The following DLG3 variants were observed in gnomAD, a reference collection of about 807,000 sequenced individuals.
The protein encoded by DLG3 is discs large MAGUK scaffold protein 3.
In DLG3, 1 loss-of-function variant was observed where a neutral mutation model predicts 64.1. That is an observed-to-expected ratio of 0.02 (90% CI 0.01 to 0.07). The LOEUF is 0.07. Among genes scored for constraint, DLG3 ranks in the 10% least tolerant of loss-of-function variants. The pLI is 1.00. For missense variants in DLG3, 429 were observed against 669.5 expected, an observed-to-expected ratio of 0.64 and a Z score of 3.96; for synonymous variants, 245 against 259.8, an observed-to-expected ratio of 0.94 and a Z score of 0.55.
chrX:70,487,897 C>T (rs1028145974), intron 10 of DLG3, among the ~76,000 whole-genome samples: 3 of 111,235 alleles, frequency 2.7e-5, no homozygotes, highest in South Asian at 3.9e-4. Context: ...GTGATCCGCC[C>T]GCCTCAGCCT....
In DLG3 at chrX:70,462,243, C is replaced by CTTTTTTTTTTTTTTTT. The variant is rs141689653; in HGVS notation, c.1405+7936_1405+7951dup. The stretch of plus-strand genomic sequence containing the variant: ...GTACTTAATTCCTTTTTCTTTCTTT[C>CTTTTTTTTTTTTTTTT]TTTTTTTTTTTTTTTTTTTTTTTTG... On this transcript the variant is annotated intron_variant, in intron 9 of 18. Coordinates refer to ENST00000374360, the MANE Select transcript of DLG3 (RefSeq NM_021120.4). 4.7e-4 allele frequency among the ~76,000 whole-genome samples: 22 copies of CTTTTTTTTTTTTTTTT among 46,985 alleles called. 1 individual carries two copies. Among genetic ancestry groups the CTTTTTTTTTTTTTTTT allele is most frequent in the Non-Finnish European group, 5.8e-4 (17 of 29,111 alleles). 40.8% of individuals were successfully genotyped at this position (46,985 alleles called of 115,157 possible).
At chrX:70,454,768 T>A (rs2086672018) in intron 9 of DLG3, among the ~76,000 whole-genome samples, 1 of 112,272 alleles carries the variant, frequency 8.9e-6, no homozygotes, top group Non-Finnish European at 1.9e-5. Flanking sequence ...CTCATCAAGA[T>A]GACCGTGAAA....
intron 9 of DLG3, among the ~76,000 whole-genome samples, chrX:70,462,004 A>G (rs1010743085): frequency 9.2e-6 from 1 of 108,678 alleles, no homozygotes; most frequent in Non-Finnish European, 1.9e-5. Context: ...TATCACCCCA[A>G]AAAGAAGCCC....
At chrX:70,458,570 C>T (rs1382028083) in intron 9 of DLG3, among the ~76,000 whole-genome samples, 2 of 111,960 alleles carry the variant, frequency 1.8e-5, no homozygotes, top group Admixed American at 9.4e-5. Flanking sequence ...GGATTACAGG[C>T]GTGAGCCATA....
intron 9 of DLG3, among the ~76,000 whole-genome samples, chrX:70,461,388 C>G (rs956604131): frequency 4.5e-5 from 5 of 112,070 alleles, no homozygotes; most frequent in African/African-American, 1.6e-4. Flanking sequence ...ATTTGATTCT[C>G]TTGATTCTCT....
intron 8 of DLG3, among the ~76,000 whole-genome samples, chrX:70,453,997 G>A (rs751647414): frequency 3.6e-5 from 4 of 112,239 alleles, no homozygotes; most frequent in Non-Finnish European, 7.5e-5. Flanking sequence ...ATGCCTATTG[G>A]ATCTTAACCC....
intron 13 of DLG3, among the ~76,000 whole-genome samples, chrX:70,496,876 C>T (rs1289681530): frequency 8.9e-6 from 1 of 112,507 alleles, no homozygotes; most frequent in Non-Finnish European, 1.9e-5. Flanking sequence ...TTTTGAAATA[C>T]GATTTGGAAA....
At chrX:70,494,958 C>A (rs1004268039) in intron 12 of DLG3, among the ~76,000 whole-genome samples, 5 of 112,454 alleles carry the variant, frequency 4.4e-5, no homozygotes, top group Non-Finnish European at 7.5e-5. Flanking sequence ...TTTGCTCTTT[C>A]ACGCACTGCA....
intron 1 of DLG3, among the ~76,000 whole-genome samples, chrX:70,447,579 G>A (rs1275544430): frequency 8.9e-6 from 1 of 111,992 alleles, no homozygotes; most frequent in Admixed American, 9.4e-5. Flanking sequence ...GGTGGGACGG[G>A]GGAAGCACAG....
At position 70,504,959 on chromosome X, in the gene DLG3, G is replaced by A. The variant is rs2087628058; in HGVS notation, c.*2690G>A. The stretch of plus-strand genomic sequence containing the variant: ...GTGCTGTCATAATTCATAAGGTCAA[G>A]AGCAACATCTGGATGAATGAGCCAC... On this transcript the variant is annotated 3_prime_UTR_variant, in exon 19 of 19. Coordinates refer to ENST00000374360, the MANE Select transcript of DLG3 (RefSeq NM_021120.4). The A allele has an allele frequency of 8.9e-6, 1 of 112,599 alleles. No homozygotes were observed. The highest frequency in any genetic ancestry group is 1.9e-5 in the Non-Finnish European group (1 of 53,267). The allele number at this position is 112,599 out of a possible 1,213,427, so 9.3% of individuals were successfully genotyped here. A position where few individuals can be genotyped will look rare whatever the true frequency, so the allele number is the denominator to read the frequency against.
rs1251870183 is a variant in DLG3, at chrX:70,504,295, A to G, written c.*2026A>G. ...AGAGAAACAAAGATTCAAAGTAAGC[A>G]TGATACTAGTGGGTTTACCAGTGTT... On this transcript the variant is annotated 3_prime_UTR_variant, in exon 19 of 19. Coordinates refer to ENST00000374360, the MANE Select transcript of DLG3 (RefSeq NM_021120.4). 8.9e-6 allele frequency: 1 copy of G among 112,551 alleles called. No homozygotes were observed. The highest frequency in any genetic ancestry group is 2.8e-4 in the East Asian group (1 of 3,574). 9.3% of individuals were successfully genotyped at this position (112,551 alleles called of 1,213,427 possible).
At chrX:70,496,897 C>A (rs749927950) in intron 13 of DLG3, among the ~76,000 whole-genome samples, 4 of 112,415 alleles carry the variant, frequency 3.6e-5, no homozygotes, top group South Asian at 7.3e-4. Flanking sequence ...CCATCCAGGT[C>A]AATTTGATTC....
At position 70,448,923 on chromosome X, in the gene DLG3, G is replaced by A. The variant is rs763942240; in HGVS notation, c.368G>A (p.Ser123Asn). The A allele has an allele frequency of 1.2e-5, 14 of 1,209,483 alleles. No homozygotes were observed. In the South Asian group the frequency reaches 2.3e-4, roughly 20 times the overall value. ...TGTGTCTCCCCCTAGGTGAATGGCA[G>A]TGATGGCATGTTCAAATATGAGGAA... is the stretch of plus-strand genomic sequence containing the variant. ...NRDWYEQVNG[S>N]DGMFKYEEIV... The change falls in exon 2 of 19, where the codon AGT becomes AAT. Residue 123 changes from serine (S) to asparagine (N), a missense_variant. Physicochemically the swap from Ser to Asn is conservative, Grantham distance 46. Transcript: ENST00000374360.
intron 9 of DLG3, among the ~76,000 whole-genome samples, chrX:70,477,713 G>A (rs917791101): frequency 2.7e-5 from 3 of 112,042 alleles, no homozygotes; most frequent in African/African-American, 6.5e-5. Context: ...TAACACCGGC[G>A]TGTGATGAAT....
chrX:70,483,121 TA>T (rs755828969), intron 10 of DLG3, among the ~76,000 whole-genome samples: 1 of 110,196 alleles, frequency 9.1e-6, no homozygotes, highest in Non-Finnish European at 1.9e-5. Flanking sequence ...TCTTAAAAAG[TA>T]AAAAGTTTTT....
At chrX:70,501,211 T>C (rs954771993) in intron 18 of DLG3, among the ~76,000 whole-genome samples, 1 of 111,557 alleles carries the variant, frequency 9.0e-6, no homozygotes, top group African/African-American at 3.3e-5. Flanking sequence ...AAATGCTTCC[T>C]TGAATTGTTG....
intron 9 of DLG3, among the ~76,000 whole-genome samples, chrX:70,475,476 GC>G: frequency 9.0e-6 from 1 of 111,443 alleles, no homozygotes; most frequent in Admixed American, 9.5e-5. Flanking sequence ...TCCTGCCTCA[GC>G]CTCACTAGTA....
intron 10 of DLG3, among the ~76,000 whole-genome samples, chrX:70,491,817 G>A (rs975420406): frequency 2.7e-5 from 3 of 112,372 alleles, no homozygotes; most frequent in Admixed American, 9.4e-5. Flanking sequence ...GCTATTGAGC[G>A]AGTTCTACTT....
chrX:70,448,518 C>G, intron 1 of DLG3: 1 of 1,026,774 alleles, frequency 9.7e-7, no homozygotes, highest in Non-Finnish European at 1.3e-6. Context: ...CTGGGTATCC[C>G]CTATGGACAC....
Sources: allele counts gnomAD v4.1 joint callset (sites outside exome capture counted in the v4.1 genomes callset), GRCh38; gene constraint gnomAD v4.1.1; transcripts MANE v1.5; gene names NCBI Gene and HGNC (gene_info 2026-07-23, HGNC 2026-07-21).